Variants in TTC4 observed in about 807,000 individuals in gnomAD.
TTC4 encodes the protein tetratricopeptide repeat domain 4.
A neutral mutation model predicts 51.9 loss-of-function variants in TTC4; 36 were observed. The ratio of observed to expected loss-of-function variants is 0.69; its 90% confidence interval spans 0.53 to 0.92. The LOEUF (loss-of-function observed/expected upper bound fraction) is 0.92. Ranked by LOEUF, TTC4 falls within the 40% of genes least tolerant of loss-of-function variation. TTC4 has a pLI of 0.00. For missense variants in TTC4, 399 were observed against 454.6 expected, an observed-to-expected ratio of 0.88 and a Z score of 1.11; for synonymous variants, 144 against 164.2, an observed-to-expected ratio of 0.88 and a Z score of 0.94.
intron 8 of TTC4, among the ~76,000 whole-genome samples, chr1:54,734,680 G>A (rs1259397267): frequency 6.6e-6 from 1 of 152,158 alleles, no homozygotes; most frequent in East Asian, 1.9e-4. Flanking sequence ...GTGAGCTACC[G>A]TGCCCAGCCA....
Position 54,717,627 on chromosome 1 carries a change from A to G in TTC4, c.365A>G (p.Asn122Ser), listed in dbSNP as rs199845652. Reference sequence around the variant, plus strand: ...GATTTGAATGCTGTCCTTTATACCAACCGGGCAGCAGCACAGTACTATCTG... The same window carrying G: ...GATTTGAATGCTGTCCTTTATACCAGCCGGGCAGCAGCACAGTACTATCTG... ...DPDLNAVLYT[N>S]RAAAQYYLGN... The change falls in exon 3 of 10, where the codon AAC becomes AGC. Residue 122 changes from asparagine (N) to serine (S), a missense_variant. This residue lies in a region of TTC4 where 316 missense variants were observed against 349.6 expected (regional missense o/e 0.90). Transcript: ENST00000371281. 2.5e-4 allele frequency: 404 copies of G among 1,606,150 alleles called. 7 individuals are homozygous for G. The East Asian group carries it at 7.9e-3, about 31-fold the overall frequency.
At chr1:54,720,047 T>C (rs2101300742) in intron 3 of TTC4, among the ~76,000 whole-genome samples, 1 of 152,180 alleles carries the variant, frequency 6.6e-6, no homozygotes, top group East Asian at 1.9e-4. Context: ...TATAGGCATG[T>C]ACCACCATGC....
intron 8 of TTC4, 103 bp from the exon 9 acceptor site, chr1:54,737,479 A>AACT: frequency 1.0e-6 from 1 of 999,954 alleles, no homozygotes; most frequent in Non-Finnish European, 1.5e-6. Context: ...GGAGGCATTC[A>AACT]ACTACTAACC....
intron 1 of TTC4, 36 bp downstream of exon 1, chr1:54,716,055 G>T (rs1381480071): frequency 1.3e-6 from 2 of 1,529,418 alleles, no homozygotes; most frequent in Non-Finnish European, 1.8e-6. Flanking sequence ...GTGTGTAGGG[G>T]CGTCGTCCGG....
intron 6 of TTC4, among the ~76,000 whole-genome samples, chr1:54,730,879 C>A (rs1017424849): frequency 2.0e-5 from 3 of 152,004 alleles, no homozygotes; most frequent in African/African-American, 7.3e-5. Context: ...GTGCCCCTCC[C>A]TTCCAACTTC....
intron 6 of TTC4, among the ~76,000 whole-genome samples, chr1:54,730,040 A>G (rs561484571): frequency 6.3e-4 from 96 of 152,102 alleles, no homozygotes; most frequent in African/African-American, 2.1e-3. Context: ...TTTTTGTTTT[A>G]TTATTTGTTC....
chr1:54,731,629 C>G lies in TTC4; in HGVS notation c.825C>G (p.Ser275Arg). 1 of 1,614,110 alleles carries G rather than the reference C, an allele frequency of 6.2e-7. No individual in the cohort carries two copies. The highest frequency in any genetic ancestry group is 8.5e-7 in the Non-Finnish European group (1 of 1,180,030). ...GTCTAGATGGCCAGGGCAGGCTGAG[C>G]TGGCCTGTGCTCTTTCTGTACCCAG... ...RLSLDGQGRL[S>R]WPVLFLYPEY... The change falls in exon 7 of 10, where the codon AGC becomes AGG. Residue 275 changes from serine to arginine, a missense_variant. By Grantham distance (110) the Ser-to-Arg change is moderately radical. Around this residue, in one of 3 missense-constraint regions of TTC4, gnomAD observed 316 missense variants for 349.6 expected, o/e 0.90. Coordinates refer to ENST00000371281, the MANE Select transcript of TTC4 (RefSeq NM_004623.5).
chr1:54,722,648 GA>G (rs1356286803), intron 4 of TTC4, 26 bp from the exon 5 acceptor site: 1 of 1,602,454 alleles, frequency 6.2e-7, no homozygotes, highest in Non-Finnish European at 8.5e-7. Context: ...TGTTTTTCTT[GA>G]ATCCTAAGGG....
chr1:54,724,748 A>C (rs1645780670), intron 5 of TTC4, among the ~76,000 whole-genome samples: 1 of 152,204 alleles, frequency 6.6e-6, no homozygotes, highest in African/African-American at 2.4e-5. Context: ...GTAATTAATA[A>C]AACCAGTATT....
intron 5 of TTC4, among the ~76,000 whole-genome samples, chr1:54,725,038 A>G (rs562107355): frequency 1.6e-4 from 25 of 152,204 alleles, no homozygotes; most frequent in Non-Finnish European, 2.9e-4. Context: ...CCAGTAGCCC[A>G]CAGTCATGGT....
intron 3 of TTC4, among the ~76,000 whole-genome samples, chr1:54,718,847 G>A (rs2101295032): frequency 6.6e-6 from 1 of 152,134 alleles, no homozygotes; most frequent in South Asian, 2.1e-4. Context: ...GGCTGGCCTT[G>A]AACTCCTGAG....
intron 3 of TTC4, among the ~76,000 whole-genome samples, chr1:54,719,195 A>AGAG (rs1241469320): frequency 6.7e-6 from 1 of 148,916 alleles, no homozygotes; most frequent in South Asian, 2.2e-4. Flanking sequence ...CTGGTGCAGC[A>AGAG]GAGGGGTAAG....
At chr1:54,727,840 A>G (rs762785875) in intron 5 of TTC4, among the ~76,000 whole-genome samples, 11 of 152,240 alleles carry the variant, frequency 7.2e-5, no homozygotes, top group Non-Finnish European at 1.3e-4. Flanking sequence ...AAGGATGTGA[A>G]TAGACACTTC....
At position 54,734,632 on chromosome 1, in the gene TTC4, C is replaced by T. The variant is rs545556856; in HGVS notation, c.978+922C>T. Reference sequence around the variant, plus strand: ...CTTGAACTCCTGGCCTCAAGTGATCCGCCCTCCTTGGCCTCCAGAAGTGCT... The same window carrying T: ...CTTGAACTCCTGGCCTCAAGTGATCTGCCCTCCTTGGCCTCCAGAAGTGCT... On this transcript the variant is annotated intron_variant, in intron 8 of 9. Transcript: ENST00000371281. 7.2e-5 allele frequency among the ~76,000 whole-genome samples: 11 copies of T among 152,210 alleles called. No homozygotes were observed. In the South Asian group the frequency reaches 1.2e-3, roughly 17 times the overall value.
intron 4 of TTC4, among the ~76,000 whole-genome samples, chr1:54,722,431 T>C (rs1175287093): frequency 6.6e-6 from 1 of 152,204 alleles, no homozygotes; most frequent in African/African-American, 2.4e-5. Flanking sequence ...CTTTTCCTAC[T>C]TTAAGAGCCC....
intron 5 of TTC4, among the ~76,000 whole-genome samples, chr1:54,724,080 A>ATCT (rs772517098): frequency 2.0e-5 from 3 of 152,200 alleles, no homozygotes; most frequent in African/African-American, 4.8e-5. Context: ...AAGGCCCAGA[A>ATCT]GCCTGATATT....
intron 6 of TTC4, among the ~76,000 whole-genome samples, chr1:54,730,028 G>A (rs1404885809): frequency 2.6e-5 from 4 of 152,048 alleles, no homozygotes; most frequent in Non-Finnish European, 4.4e-5. Flanking sequence ...ACCGGGGTAG[G>A]TTTTTTGTTT....
At position 54,741,537 on chromosome 1, in the gene TTC4, C is replaced by T; in HGVS notation, c.*24C>T. The T allele has an allele frequency of 6.3e-7, 1 of 1,577,214 alleles. No homozygotes were observed. The highest frequency in any genetic ancestry group is 8.7e-7 in the Non-Finnish European group (1 of 1,146,632). ...GACTAAGCCAGGGCCCCTGGATCTC[C>T]TCCCTTACCCTCCTCTGCTGGGAAC... is the stretch of plus-strand genomic sequence containing the variant. On this transcript the variant is annotated 3_prime_UTR_variant, in exon 10 of 10. Transcript: ENST00000371281.
chr1:54,734,158 G>A (rs1645906143), intron 8 of TTC4, among the ~76,000 whole-genome samples: 2 of 151,448 alleles, frequency 1.3e-5, no homozygotes, highest in African/African-American at 2.4e-5. Flanking sequence ...TGCAACCTCT[G>A]CCTCCCAGGT....
Sources: gnomAD v4.1 joint callset for allele counts (sites outside exome capture counted in the v4.1 genomes callset) on GRCh38, gnomAD v4.1.1 for gene constraint, gnomAD v4.1.1 regional missense constraint, MANE v1.5 for transcripts, NCBI Gene and HGNC (gene_info 2026-07-23, HGNC 2026-07-21) for gene names.